The following AGBL4 variants were observed in gnomAD, a reference collection of about 807,000 sequenced individuals.
AGBL4 encodes the protein AGBL carboxypeptidase 4, also known as cytosolic carboxypeptidase 6.
In AGBL4, 58 loss-of-function variants were observed where a neutral mutation model predicts 66.4. The observed-to-expected ratio is 0.87, with a 90% confidence interval of 0.71 to 1.09. The LOEUF (loss-of-function observed/expected upper bound fraction) is 1.09. AGBL4 is among the 50% of genes least tolerant of loss of function. The pLI is 0.00. For missense variants in AGBL4, 579 were observed against 631.0 expected (o/e 0.92, Z 0.88); for synonymous variants, 234 against 222.9 (o/e 1.05, Z -0.44).
At chr1:49,093,648 A>T (rs1645038999) in intron 4 of AGBL4, among the ~76,000 whole-genome samples, 1 of 152,200 alleles carries the variant, frequency 6.6e-6, no homozygotes, top group Admixed American at 6.5e-5. Flanking sequence ...TGACTGTTAC[A>T]GCAAATGAAA....
intron 3 of AGBL4, among the ~76,000 whole-genome samples, chr1:49,691,739 CTGGGTGGGCACAA>C (rs899473259): frequency 6.6e-6 from 1 of 152,038 alleles, no homozygotes; most frequent in African/African-American, 2.4e-5. Flanking sequence ...CACCCTTAAT[CTGGGTGGGCACAA>C]TGTAATCAGC....
chr1:48,776,513 C>A, intron 6 of AGBL4: 2 of 937,048 alleles, frequency 2.1e-6, no homozygotes, highest in African/African-American at 1.8e-5. Flanking sequence ...CAAGCAGTGG[C>A]TCCCCCCGGT....
At chr1:49,941,853 T>C (rs976117887) in intron 1 of AGBL4, among the ~76,000 whole-genome samples, 3 of 152,036 alleles carry the variant, frequency 2.0e-5, no homozygotes, top group African/African-American at 7.2e-5. Flanking sequence ...TCATCACTTG[T>C]ATTCAATACA....
At chr1:49,511,662 A>G (rs375913902) in intron 3 of AGBL4, among the ~76,000 whole-genome samples, 4 of 151,584 alleles carry the variant, frequency 2.6e-5, no homozygotes, top group African/African-American at 9.7e-5. Flanking sequence ...TTTTCTCCCC[A>G]ATGCGTTTTA....
At position 49,934,845 on chromosome 1, in the gene AGBL4, G is replaced by T. The variant is rs192291431; in HGVS notation, c.35-83327C>A. On this transcript the variant is annotated intron_variant, in intron 1 of 13. Transcript: ENST00000371839. Reference sequence around the variant, plus strand: ...GATACAAAAAAAAAAAAAAATAGGAGAGGGCAGCCAAGATGGCCGAATAGG... The same window carrying T: ...GATACAAAAAAAAAAAAAAATAGGATAGGGCAGCCAAGATGGCCGAATAGG... Among the ~76,000 whole-genome samples the T allele has an allele frequency of 7.3e-5, 11 of 151,170 alleles. No homozygotes were observed. In the East Asian group the frequency reaches 2.1e-3, roughly 29 times the overall value.
intron 6 of AGBL4, among the ~76,000 whole-genome samples, chr1:48,678,665 A>G (rs993910267): frequency 6.6e-6 from 1 of 152,226 alleles, no homozygotes; most frequent in African/African-American, 2.4e-5. Flanking sequence ...GCACCCAGTG[A>G]CTAGCTCTTG....
At chr1:48,588,861 G>GAAGA (rs1557810283) in intron 10 of AGBL4, among the ~76,000 whole-genome samples, 31 of 68,104 alleles carry the variant, frequency 4.6e-4, no homozygotes, top group African/African-American at 6.4e-4. Context: ...AGAAGAGAAG[G>GAAGA]GAAGAGAAGA....
At chr1:48,593,535 A>G (rs1644948517) in intron 9 of AGBL4, among the ~76,000 whole-genome samples, 1 of 151,978 alleles carries the variant, frequency 6.6e-6, no homozygotes, top group African/African-American at 2.4e-5. Flanking sequence ...GCAGATCACG[A>G]AGTCAGGAGT....
chr1:49,303,173 C>T (rs767248936), intron 3 of AGBL4, among the ~76,000 whole-genome samples: 10 of 152,042 alleles, frequency 6.6e-5, no homozygotes, highest in Non-Finnish European at 1.5e-4. Flanking sequence ...GAGTATAATA[C>T]CTTGTAATGA....
chr1:48,794,643 T>C (rs963935773), intron 6 of AGBL4, among the ~76,000 whole-genome samples: 2 of 152,140 alleles, frequency 1.3e-5, no homozygotes, highest in Non-Finnish European at 2.9e-5. Flanking sequence ...TTCCAGAAAA[T>C]GTTTTTCCTC....
intron 6 of AGBL4, among the ~76,000 whole-genome samples, chr1:48,689,135 T>G (rs1646581016): frequency 6.9e-6 from 1 of 144,050 alleles, no homozygotes. Flanking sequence ...GCAGGAGAAC[T>G]GCTTAAACCC....
intron 2 of AGBL4, among the ~76,000 whole-genome samples, chr1:49,774,850 A>T (rs986072600): frequency 9.2e-5 from 14 of 152,232 alleles, no homozygotes; most frequent in African/African-American, 3.4e-4. Flanking sequence ...AAAAATATAC[A>T]TACCCTTTGA....
At chr1:48,673,861 T>C (rs1480625005) in intron 6 of AGBL4, among the ~76,000 whole-genome samples, 1 of 152,212 alleles carries the variant, frequency 6.6e-6, no homozygotes, top group Non-Finnish European at 1.5e-5. Flanking sequence ...GGAGATTACT[T>C]CTGTTGCCAC....
intron 2 of AGBL4, chr1:49,845,067 G>A (rs1571699211): frequency 2.8e-6 from 4 of 1,451,534 alleles, no homozygotes; most frequent in Middle Eastern, 1.8e-4. Context: ...ATGTAAAAGA[G>A]AAACCCTACA....
At chr1:48,986,301 T>G (rs1660170151) in intron 5 of AGBL4, among the ~76,000 whole-genome samples, 1 of 151,926 alleles carries the variant, frequency 6.6e-6, no homozygotes, top group Non-Finnish European at 1.5e-5. Context: ...TAAAACTGGC[T>G]GATTAAAGAA....
At chr1:48,982,970 A>G (rs1195159570) in intron 5 of AGBL4, among the ~76,000 whole-genome samples, 2 of 152,206 alleles carry the variant, frequency 1.3e-5, no homozygotes, top group Non-Finnish European at 2.9e-5. Flanking sequence ...GAATTAAAAC[A>G]GGGTTTTACA....
At chr1:48,561,566 G>C (rs1216122673) in intron 11 of AGBL4, among the ~76,000 whole-genome samples, 1 of 152,178 alleles carries the variant, frequency 6.6e-6, no homozygotes, top group Non-Finnish European at 1.5e-5. Context: ...ATGTCTGTGA[G>C]GATATTTCTG....
chr1:49,220,899 C>T (rs1427369472), intron 4 of AGBL4, among the ~76,000 whole-genome samples: 1 of 152,074 alleles, frequency 6.6e-6, no homozygotes, highest in Admixed American at 6.6e-5. Context: ...AGATCTTGAC[C>T]ATCATAAACA....
chr1:50,011,851 G>T (rs541049509), intron 1 of AGBL4, among the ~76,000 whole-genome samples: 9 of 152,292 alleles, frequency 5.9e-5, no homozygotes, highest in African/African-American at 2.2e-4. Context: ...TGAACTCATG[G>T]ACACAGAGAG....
Sources: gnomAD v4.1 joint callset for allele counts (sites outside exome capture counted in the v4.1 genomes callset) on GRCh38, gnomAD v4.1.1 for gene constraint, MANE v1.5 for transcripts, NCBI Gene and HGNC (gene_info 2026-07-23, HGNC 2026-07-21) for gene names.